Variants in INSYN2B observed in about 807,000 individuals in gnomAD.
INSYN2B encodes the protein inhibitory synaptic factor family member 2B, also known as protein INSYN2B.
Under a neutral mutation model 41.2 loss-of-function variants are expected in INSYN2B, and 16 were observed. That is an observed-to-expected ratio of 0.39 (90% CI 0.26 to 0.59). The LOEUF (loss-of-function observed/expected upper bound fraction) is 0.59. Ranked by LOEUF, INSYN2B falls within the 20% of genes least tolerant of loss-of-function variation. INSYN2B has a pLI of 0.57. For missense variants in INSYN2B, 608 were observed against 646.4 expected (o/e 0.94, Z 0.64); for synonymous variants, 245 against 244.4 (o/e 1.00, Z -0.02).
rs1457105502 is a variant in INSYN2B at position 169,882,821 on chromosome 5, T to C, written c.1078A>G (p.Asn360Asp). 1.3e-6 allele frequency: 2 copies of C among 1,551,146 alleles called. No homozygotes were observed. The highest frequency in any genetic ancestry group is 1.4e-5 in the African/African-American group (1 of 72,996). The change falls in exon 2 of 4, where the codon AAC becomes GAC. Residue 360 changes from asparagine to aspartate, a missense_variant. Coordinates refer to ENST00000377365, the MANE Select transcript of INSYN2B (RefSeq NM_001129891.3). ...SAPGCQEQTA[N>D]NPTESDTLEF... ...AGTGTGTCTGACTCGGTGGGGTTGT[T>C]TGCCGTCTGCTCCTGACACCCAGGG...
In INSYN2B at chr5:169,976,715, G is replaced by A. The variant is rs17561286; in HGVS notation, c.-919+3562C>T. On this transcript the variant is annotated intron_variant, in intron 1 of 3. Coordinates refer to ENST00000377365, the MANE Select transcript of INSYN2B (RefSeq NM_001129891.3). ...GAATTCAGGCCCCTCTTCGAGCCTT[G>A]ATTCAAAGCAGCCTGCGCTTCTGGC... Among the ~76,000 whole-genome samples the A allele has an allele frequency of 6.2e-3, 943 of 152,304 alleles. 10 individuals carry two copies. The highest frequency in any genetic ancestry group is 8.5e-3 in the Non-Finnish European group (576 of 68,022).
intron 1 of INSYN2B, among the ~76,000 whole-genome samples, chr5:169,940,529 A>G (rs1414708010): frequency 1.3e-5 from 2 of 152,284 alleles, no homozygotes; most frequent in Admixed American, 1.3e-4. Context: ...ACTCACCTTA[A>G]TGTAGAATCA....
chr5:169,886,885 G>T lies in INSYN2B; in HGVS notation c.-918-2069C>A, dbSNP rs59081648. 2.0e-5 allele frequency among the ~76,000 whole-genome samples: 3 copies of T among 152,308 alleles called. No homozygotes were observed. In the East Asian group the frequency reaches 5.8e-4, roughly 29 times the overall value. ...GAGGCTGGTTTTCATAAGAGCTAATGTCTAGTGCATTGATTATGTGCCAGG... is the reference window on the plus strand; with the variant it reads ...GAGGCTGGTTTTCATAAGAGCTAATTTCTAGTGCATTGATTATGTGCCAGG... On this transcript the variant is annotated intron_variant, in intron 1 of 3. Coordinates refer to ENST00000377365, the MANE Select transcript of INSYN2B (RefSeq NM_001129891.3).
Position 169,946,641 on chromosome 5 carries a change from A to G in INSYN2B, c.-919+33636T>C, listed in dbSNP as rs144068375. On this transcript the variant is annotated intron_variant, in intron 1 of 3. Transcript: ENST00000377365. ...CTCATTGTGTATCAGCCACTGTTTC[A>G]AGGAATAAGATAGGCCAGTTCCTAG... is the stretch of plus-strand genomic sequence containing the variant. 1.6e-3 allele frequency among the ~76,000 whole-genome samples: 240 copies of G among 152,290 alleles called. 1 individual carries two copies. The highest frequency in any genetic ancestry group is 3.0e-3 in the Non-Finnish European group (207 of 68,026).
At chr5:169,870,771 G>T (rs1000491951) in intron 3 of INSYN2B, among the ~76,000 whole-genome samples, 3 of 152,146 alleles carry the variant, frequency 2.0e-5, no homozygotes, top group African/African-American at 4.8e-5. Flanking sequence ...AAGATAGGAA[G>T]GTTGTTGCCC....
chr5:169,960,207 A>G (rs979679693), intron 1 of INSYN2B, among the ~76,000 whole-genome samples: 4 of 152,214 alleles, frequency 2.6e-5, no homozygotes, highest in Non-Finnish European at 5.9e-5. Context: ...CAGAGGAGGA[A>G]ATAATGTAGT....
At chr5:169,880,798 G>A (rs924103789) in intron 3 of INSYN2B, among the ~76,000 whole-genome samples, 19 of 152,192 alleles carry the variant, frequency 1.2e-4, no homozygotes, top group African/African-American at 4.6e-4. Flanking sequence ...AGTTTACACT[G>A]TATATCATGT....
chr5:169,896,432 G>A (rs1288039866), intron 1 of INSYN2B, among the ~76,000 whole-genome samples: 2 of 152,120 alleles, frequency 1.3e-5, no homozygotes, highest in Admixed American at 6.6e-5. Flanking sequence ...CTTTGTTGGA[G>A]GGTAAATTAC....
chr5:169,892,687 C>A (rs1773366560), intron 1 of INSYN2B, among the ~76,000 whole-genome samples: 2 of 152,344 alleles, frequency 1.3e-5, no homozygotes, highest in African/African-American at 4.8e-5. Flanking sequence ...ACCTCCTCTT[C>A]ATTTTTATCC....
At chr5:169,917,551 G>C (rs958586793) in intron 1 of INSYN2B, among the ~76,000 whole-genome samples, 1 of 152,182 alleles carries the variant, frequency 6.6e-6, no homozygotes, top group Non-Finnish European at 1.5e-5. Flanking sequence ...ATCAAGAGAA[G>C]TGTAGGATAA....
chr5:169,944,165 G>A (rs1050953351), intron 1 of INSYN2B, among the ~76,000 whole-genome samples: 1 of 152,178 alleles, frequency 6.6e-6, no homozygotes, highest in African/African-American at 2.4e-5. Context: ...GCTCAGGGGC[G>A]TGAGCTGCCA....
chr5:169,976,222 T>C (rs182043827), intron 1 of INSYN2B, among the ~76,000 whole-genome samples: 228 of 152,312 alleles, frequency 1.5e-3, no homozygotes, highest in African/African-American at 5.1e-3. Flanking sequence ...TCTCTGCCCA[T>C]GAGAGTGCTG....
intron 1 of INSYN2B, among the ~76,000 whole-genome samples, chr5:169,923,915 G>A (rs570152758): frequency 2.0e-5 from 3 of 152,336 alleles, no homozygotes; most frequent in Admixed American, 6.5e-5. Context: ...TAAGCAATCT[G>A]CTGCTCCCTT....
chr5:169,923,657 T>C (rs1412189504), intron 1 of INSYN2B, among the ~76,000 whole-genome samples: 1 of 152,228 alleles, frequency 6.6e-6, no homozygotes, highest in Non-Finnish European at 1.5e-5. Flanking sequence ...ATAATATTGC[T>C]TCAAAGAAGG....
At chr5:169,957,945 G>A (rs1218053745) in intron 1 of INSYN2B, among the ~76,000 whole-genome samples, 2 of 152,208 alleles carry the variant, frequency 1.3e-5, no homozygotes, top group African/African-American at 4.8e-5. Context: ...GAAGTCCACT[G>A]CGAGGGAGTA....
Position 169,974,207 on chromosome 5 carries a change from G to C in INSYN2B, c.-919+6070C>G, listed in dbSNP as rs1777631235. Reference sequence around the variant, plus strand: ...TTTTCTTATCTATCAAGTAAAAATGGTATTACCAACATCTACTGAAAGTTT... The same window carrying C: ...TTTTCTTATCTATCAAGTAAAAATGCTATTACCAACATCTACTGAAAGTTT... On this transcript the variant is annotated intron_variant, in intron 1 of 3. Coordinates refer to ENST00000377365, the MANE Select transcript of INSYN2B (RefSeq NM_001129891.3). 2.0e-5 allele frequency among the ~76,000 whole-genome samples: 3 copies of C among 152,126 alleles called. No individual in the cohort carries two copies. In the South Asian group the frequency reaches 6.2e-4, roughly 32 times the overall value.
chr5:169,892,382 C>G (rs908992777), intron 1 of INSYN2B, among the ~76,000 whole-genome samples: 1 of 152,248 alleles, frequency 6.6e-6, no homozygotes, highest in African/African-American at 2.4e-5. Context: ...GCTAGGTGAA[C>G]ATTTGTGGAA....
At chr5:169,889,317 T>C (rs1474181602) in intron 1 of INSYN2B, among the ~76,000 whole-genome samples, 1 of 152,226 alleles carries the variant, frequency 6.6e-6, no homozygotes, top group Admixed American at 6.5e-5. Context: ...CTATGCTTTC[T>C]CTATTTACGG....
chr5:169,896,756 G>T (rs1773633894), intron 1 of INSYN2B, among the ~76,000 whole-genome samples: 1 of 152,220 alleles, frequency 6.6e-6, no homozygotes, highest in Admixed American at 6.5e-5. Context: ...GAATATTTAT[G>T]ATATAGTCCC....
Sources: allele counts gnomAD v4.1 joint callset (sites outside exome capture counted in the v4.1 genomes callset), GRCh38; gene constraint gnomAD v4.1.1; transcripts MANE v1.5; gene names NCBI Gene and HGNC (gene_info 2026-07-23, HGNC 2026-07-21).